PER3: variants seen among roughly 807,000 people sequenced by gnomAD.
PER3 encodes period circadian protein homolog 3.
Under a neutral mutation model 127.2 loss-of-function variants are expected in PER3, and 107 were observed. The observed-to-expected ratio is 0.84, with a 90% CI of 0.72 to 0.99. PER3 has a LOEUF of 0.99. Among genes scored for constraint, PER3 ranks in the 50% least tolerant of loss-of-function variants. PER3 has a pLI of 0.00. For missense variants in PER3, 1,560 were observed against 1,525.8 expected (o/e 1.02, Z -0.37); for synonymous variants, 618 against 585.8 (o/e 1.05, Z -0.79).
At chr1:7,786,067 T>A (rs2097088357) in intron 3 of PER3, among the ~76,000 whole-genome samples, 1 of 152,128 alleles carries the variant, frequency 6.6e-6, no homozygotes, top group Non-Finnish European at 1.5e-5. Context: ...CCATCCTGGC[T>A]AATACGGTGA....
rs2097356084 is a variant in PER3, at chr1:7,835,935, G to C, written c.3388G>C (p.Val1130Leu). 1.9e-6 allele frequency: 3 copies of C among 1,588,756 alleles called. No homozygotes were observed. The highest frequency in any genetic ancestry group is 2.6e-6 in the Non-Finnish European group (3 of 1,161,856). The change falls in exon 20 of 22, where the codon GTA becomes CTA. Residue 1130 changes from valine (V) to leucine (L), a missense_variant. Around this residue, in one of 3 missense-constraint regions of PER3, gnomAD observed 199 missense variants for 198.6 expected, o/e 1.00. Transcript: ENST00000377532. ...TGAGCGCATTCTCATGACATACCAG[G>C]TACCTGAGAGGTAAGAAAGCACTTT... ...TPERILMTYQVPERVKEVVLK... is the reference protein window; with the variant it reads ...TPERILMTYQLPERVKEVVLK...
In PER3 at chr1:7,842,729, C is replaced by A. The variant is rs753584076; in HGVS notation, c.3607C>A (p.Gln1203Lys). The change falls in exon 22 of 22, where the codon CAG becomes AAG. Residue 1203 changes from glutamine (Q) to lysine (K), a missense_variant. Physicochemically the swap from Gln to Lys is moderately conservative, Grantham distance 53 (BLOSUM62 1). Around this residue, in one of 3 missense-constraint regions of PER3, gnomAD observed 199 missense variants for 198.6 expected, o/e 1.00. Coordinates refer to ENST00000377532, the MANE Select transcript of PER3 (RefSeq NM_001377275.1). ...SADGAATSCG[Q>K]VLVEDSC Reference sequence around the variant, plus strand: ...TGATGGTGCGGCCACATCCTGTGGTCAGGTTCTGGTAGAAGACAGCTGTTG... The same window carrying A: ...TGATGGTGCGGCCACATCCTGTGGTAAGGTTCTGGTAGAAGACAGCTGTTG... 21 of 1,613,204 alleles carry A rather than the reference C, an allele frequency of 1.3e-5. No individual in the cohort carries two copies. Among genetic ancestry groups the A allele is most frequent in the Middle Eastern group, 1.6e-4 (1 of 6,078 alleles).
At chr1:7,829,279 C>G (rs1045610946) in intron 18 of PER3, among the ~76,000 whole-genome samples, 1 of 152,160 alleles carries the variant, frequency 6.6e-6, no homozygotes, top group Non-Finnish European at 1.5e-5. Context: ...AGATTAACAG[C>G]AGTAACTAAT....
rs1342550960 is a variant in PER3, at chr1:7,837,075, G to A, written c.3475G>A (p.Gly1159Arg). The A allele has an allele frequency of 6.2e-7, 1 of 1,614,010 alleles. No homozygotes were observed. Among genetic ancestry groups the A allele is most frequent in the Admixed American group, 1.7e-5 (1 of 60,020 alleles). Residue 1159 changes from glycine to arginine, a missense_variant, in exon 21 of 22, where the codon GGG becomes AGG. Coordinates refer to ENST00000377532, the MANE Select transcript of PER3 (RefSeq NM_001377275.1). ...MRQQQPQFSH[G>R]QKEELAKVYN... ...GCAGCAGCAGCCCCAGTTTTCTCAT[G>A]GGCAAAAGGAGGAGCTGGCTAAGGT...
At chr1:7,788,399 A>AT (rs2097102184) in intron 5 of PER3, 153 bp downstream of exon 5, 2 of 612,884 alleles carry the variant, frequency 3.3e-6, no homozygotes, top group Non-Finnish European at 5.8e-6. Flanking sequence ...TGAAAACAGC[A>AT]TTTTAAAAGC....
intron 7 of PER3, among the ~76,000 whole-genome samples, chr1:7,800,410 G>A (rs772472708): frequency 6.6e-6 from 1 of 151,184 alleles, no homozygotes; most frequent in Non-Finnish European, 1.5e-5. Flanking sequence ...GTTTTATCAT[G>A]TTGGCCAAGC....
intron 21 of PER3, among the ~76,000 whole-genome samples, chr1:7,839,058 G>T (rs1404267916): frequency 2.6e-5 from 4 of 151,978 alleles, no homozygotes; most frequent in African/African-American, 9.7e-5. Flanking sequence ...TGTTTAGTTG[G>T]TTTTTTGAAG....
In PER3 at chr1:7,829,844, C is replaced by T. The variant is rs757710598; in HGVS notation, c.2897C>T (p.Thr966Ile). ...TCPQTEYQCVTGNNGSESSPA... is the reference protein window; with the variant it reads ...TCPQTEYQCVIGNNGSESSPA... ...GCCCTTACTTTCTAGCAGTGTGTTA[C>T]AGGCAACAATGGCAGTGAGAGCAGT... Residue 966 changes from threonine to isoleucine, a missense_variant, in exon 19 of 22, where the codon ACA becomes ATA. Transcript: ENST00000377532. 6.2e-7 allele frequency: 1 copy of T among 1,612,984 alleles called. No homozygotes were observed. The highest frequency in any genetic ancestry group is 1.7e-5 in the Admixed American group (1 of 59,988).
Position 7,827,041 on chromosome 1 carries a change from A to G in PER3, c.2189-77A>G, listed in dbSNP as rs1278810524. 1.7e-5 allele frequency: 19 copies of G among 1,135,160 alleles called. No individual in the cohort carries two copies. The Admixed American group carries it at 2.0e-4, about 12-fold the overall frequency. 70.3% of individuals were successfully genotyped at this position (1,135,160 alleles called of 1,614,324 possible). ...AAATGCTCATTCGTCAGCTACTTAT[A>G]ACTACCTGTAAGTGGCATCCTTCTC... On this transcript the variant is annotated intron_variant, in intron 17 of 21. Coordinates refer to ENST00000377532, the MANE Select transcript of PER3 (RefSeq NM_001377275.1).
chr1:7,805,165 A>G (rs578103315), intron 10 of PER3, among the ~76,000 whole-genome samples: 69 of 152,120 alleles, frequency 4.5e-4, no homozygotes, highest in African/African-American at 1.6e-3. Flanking sequence ...ATCACGCCCA[A>G]CCCTGTGGTC....
intron 21 of PER3, among the ~76,000 whole-genome samples, chr1:7,838,754 G>C (rs926022911): frequency 6.6e-6 from 1 of 152,156 alleles, no homozygotes; most frequent in Non-Finnish European, 1.5e-5. Flanking sequence ...TGGTGTGACT[G>C]ACTTACAGAC....
intron 21 of PER3, among the ~76,000 whole-genome samples, chr1:7,842,459 C>G (rs1264172839): frequency 6.6e-6 from 1 of 151,582 alleles, no homozygotes; most frequent in Non-Finnish European, 1.5e-5. Flanking sequence ...GAGATCGCAC[C>G]ACTGCATTCC....
At chr1:7,796,318 C>CTTTTTTT (rs1558396225) in intron 6 of PER3, among the ~76,000 whole-genome samples, 56 of 52,836 alleles carry the variant, frequency 1.1e-3, no homozygotes, top group Non-Finnish European at 2.1e-3. Flanking sequence ...ATTTCAGTTT[C>CTTTTTTT]CTTTTTTTTT....
At chr1:7,820,730 T>C (rs1397100974) in intron 16 of PER3, 90 bp downstream of exon 16, 11 of 1,011,938 alleles carry the variant, frequency 1.1e-5, no homozygotes, top group Non-Finnish European at 1.4e-5. Context: ...ATTCGCTCGG[T>C]TGTAACTTCT....
intron 13 of PER3, among the ~76,000 whole-genome samples, chr1:7,813,129 C>G (rs1409934386): frequency 6.6e-6 from 1 of 152,140 alleles, no homozygotes; most frequent in Non-Finnish European, 1.5e-5. Flanking sequence ...CAAGGAATAA[C>G]AGGGATATGT....
At chr1:7,822,876 C>T in intron 16 of PER3, among the ~76,000 whole-genome samples, 1 of 152,042 alleles carries the variant, frequency 6.6e-6, no homozygotes, top group East Asian at 1.9e-4. Context: ...CTGGGCAATA[C>T]AGTGAAACCC....
At chr1:7,821,230 T>TA (rs773249671) in intron 16 of PER3, among the ~76,000 whole-genome samples, 3 of 152,250 alleles carry the variant, frequency 2.0e-5, no homozygotes, top group Non-Finnish European at 4.4e-5. Context: ...TGGTGACAAA[T>TA]ACGTTAAATT....
At chr1:7,816,673 C>G (rs766862774) in intron 13 of PER3, among the ~76,000 whole-genome samples, 1 of 152,120 alleles carries the variant, frequency 6.6e-6, no homozygotes, top group Non-Finnish European at 1.5e-5. Flanking sequence ...AAAAAACTGA[C>G]AAGTGTTGAC....
intron 13 of PER3, among the ~76,000 whole-genome samples, chr1:7,819,072 T>C (rs965621681): frequency 6.6e-6 from 1 of 152,256 alleles, no homozygotes; most frequent in Non-Finnish European, 1.5e-5. Context: ...AGCCATTCTA[T>C]GTGTAATGTG....
Sources: allele counts gnomAD v4.1 joint callset (sites outside exome capture counted in the v4.1 genomes callset), GRCh38; gene constraint gnomAD v4.1.1; regional missense constraint gnomAD v4.1.1; transcripts MANE v1.5; gene names NCBI Gene and HGNC (gene_info 2026-07-23, HGNC 2026-07-21).